Variants in ARL15 observed in about 807,000 individuals in gnomAD.
The protein encoded by ARL15 is ARF like GTPase 15.
ARL15 carries 19 observed loss-of-function variants against 25.2 expected under a neutral mutation model. The observed-to-expected ratio is 0.75, with a 90% CI of 0.53 to 1.10. ARL15 has a LOEUF of 1.10. ARL15 is among the 50% of genes least tolerant of loss of function. The pLI, the probability that ARL15 is intolerant of heterozygous loss-of-function variation, is 0.00. For missense variants in ARL15, 220 were observed against 246.0 expected, an observed-to-expected ratio of 0.89 and a Z score of 0.71; for synonymous variants, 94 against 86.8, an observed-to-expected ratio of 1.08 and a Z score of -0.46.
At position 54,144,077 on chromosome 5, in the gene ARL15, T is replaced by C. The variant is rs149207366; in HGVS notation, c.253+10503A>G. Among the ~76,000 whole-genome samples the C allele has an allele frequency of 1.6e-3, 246 of 152,132 alleles. 2 individuals carry two copies. The highest frequency in any genetic ancestry group is 8.0e-3 in the Admixed American group (122 of 15,264). On this transcript the variant is annotated intron_variant, in intron 3 of 4. Coordinates refer to ENST00000504924, the MANE Select transcript of ARL15 (RefSeq NM_019087.3). ...AAGCTATTTTATGTGTGCATGCATG[T>C]GTGTGTGTATGTGTGAAAGAGAGAG...
At chr5:53,943,166 G>A (rs549840285) in intron 4 of ARL15, among the ~76,000 whole-genome samples, 47 of 152,204 alleles carry the variant, frequency 3.1e-4, no homozygotes, top group Admixed American at 9.2e-4. Flanking sequence ...AGATTTTAAC[G>A]GGCTATGTAT....
intron 1 of ARL15, among the ~76,000 whole-genome samples, chr5:54,198,293 C>T (rs1164970181): frequency 2.0e-5 from 3 of 152,164 alleles, no homozygotes; most frequent in South Asian, 4.1e-4. Flanking sequence ...AAGTTCTGGC[C>T]GGGGCAATCA....
At chr5:54,233,228 C>T (rs887500016) in intron 1 of ARL15, among the ~76,000 whole-genome samples, 1 of 152,188 alleles carries the variant, frequency 6.6e-6, no homozygotes, top group African/African-American at 2.4e-5. Flanking sequence ...TAAGGGTTGT[C>T]TCAAGGAAAA....
At chr5:53,934,078 G>C (rs1285288640) in intron 4 of ARL15, among the ~76,000 whole-genome samples, 1 of 152,126 alleles carries the variant, frequency 6.6e-6, no homozygotes, top group Non-Finnish European at 1.5e-5. Flanking sequence ...ATTTTAAAAA[G>C]ACTTTCTGAT....
intron 1 of ARL15, among the ~76,000 whole-genome samples, chr5:54,303,731 A>C (rs1758675770): frequency 7.3e-6 from 1 of 137,592 alleles, no homozygotes; most frequent in Admixed American, 7.7e-5. Context: ...AAGAAGAAAA[A>C]GGAGAGGGGA....
chr5:54,265,122 T>C (rs1388100703), intron 1 of ARL15, among the ~76,000 whole-genome samples: 1 of 152,188 alleles, frequency 6.6e-6, no homozygotes, highest in East Asian at 1.9e-4. Flanking sequence ...ATCAACTCCC[T>C]GCTGTAATTT....
At chr5:53,953,792 C>T (rs949607600) in intron 4 of ARL15, among the ~76,000 whole-genome samples, 5 of 152,062 alleles carry the variant, frequency 3.3e-5, no homozygotes, top group Non-Finnish European at 5.9e-5. Flanking sequence ...ATCAAAAGTT[C>T]TCTGATCCAT....
rs143527291 is a variant in ARL15, at chr5:54,197,078, T to A, written c.49-25150A>T. Among the ~76,000 whole-genome samples, 420 of 152,242 alleles carry A rather than the reference T, an allele frequency of 2.8e-3. 1 individual carries two copies. The highest frequency in any genetic ancestry group is 9.6e-3 in the African/African-American group (400 of 41,576). On this transcript the variant is annotated intron_variant, in intron 1 of 4. Coordinates refer to ENST00000504924, the MANE Select transcript of ARL15 (RefSeq NM_019087.3). ...GTTCATTTCAGTTCTTCACAACACA[T>A]AGATTTGTACTTCCTTTCATATTGG... is the stretch of plus-strand genomic sequence containing the variant.
At chr5:53,953,758 G>A (rs752439617) in intron 4 of ARL15, among the ~76,000 whole-genome samples, 17 of 152,118 alleles carry the variant, frequency 1.1e-4, no homozygotes, top group Non-Finnish European at 2.5e-4. Flanking sequence ...TATTTAATGA[G>A]ACAATCATAA....
At chr5:53,899,262 C>T (rs973463443) in intron 4 of ARL15, among the ~76,000 whole-genome samples, 15 of 143,754 alleles carry the variant, frequency 1.0e-4, no homozygotes, top group East Asian at 4.6e-4. Flanking sequence ...GCAGGAGAAT[C>T]GCTTGAACCT....
At chr5:54,273,130 C>A (rs1757835977) in intron 1 of ARL15, among the ~76,000 whole-genome samples, 1 of 152,110 alleles carries the variant, frequency 6.6e-6, no homozygotes, top group African/African-American at 2.4e-5. Context: ...TACATAGTCC[C>A]ATATCTACCT....
chr5:53,985,466 T>G (rs1748262785), intron 4 of ARL15, among the ~76,000 whole-genome samples: 1 of 152,176 alleles, frequency 6.6e-6, no homozygotes, highest in Non-Finnish European at 1.5e-5. Flanking sequence ...AATTCCTCAT[T>G]TATTTCTCTC....
intron 4 of ARL15, among the ~76,000 whole-genome samples, chr5:54,022,136 G>A (rs1427948545): frequency 2.0e-5 from 3 of 152,110 alleles, no homozygotes; most frequent in African/African-American, 7.2e-5. Flanking sequence ...TAAAGAAATG[G>A]CTACAGAAAG....
chr5:54,233,544 A>G (rs1212847288), intron 1 of ARL15, among the ~76,000 whole-genome samples: 1 of 152,212 alleles, frequency 6.6e-6, no homozygotes, highest in African/African-American at 2.4e-5. Flanking sequence ...ATGAACCAAT[A>G]TTTTCCAAGA....
At chr5:54,054,659 G>A (rs1477490549) in intron 4 of ARL15, among the ~76,000 whole-genome samples, 10 of 152,066 alleles carry the variant, frequency 6.6e-5, no homozygotes, top group Admixed American at 3.9e-4. Flanking sequence ...GCGTGGCAGC[G>A]TGCGCCTGTA....
At chr5:54,141,085 G>A (rs1251567791) in intron 3 of ARL15, among the ~76,000 whole-genome samples, 3 of 152,036 alleles carry the variant, frequency 2.0e-5, no homozygotes, top group South Asian at 2.1e-4. Flanking sequence ...GTATCACTAC[G>A]GCATGAACCA....
At chr5:53,994,240 A>C (rs1748597456) in intron 4 of ARL15, among the ~76,000 whole-genome samples, 1 of 152,214 alleles carries the variant, frequency 6.6e-6, no homozygotes, top group East Asian at 1.9e-4. Flanking sequence ...AAAACCTAGA[A>C]GCCTTCTCCA....
intron 4 of ARL15, among the ~76,000 whole-genome samples, chr5:53,906,552 C>G (rs1227863262): frequency 2.0e-5 from 3 of 152,134 alleles, no homozygotes; most frequent in African/African-American, 4.8e-5. Context: ...TTGTTCCCCT[C>G]ACTTTCTCAC....
chr5:54,218,353 A>C (rs777179189), intron 1 of ARL15, among the ~76,000 whole-genome samples: 1 of 152,172 alleles, frequency 6.6e-6, no homozygotes, highest in Non-Finnish European at 1.5e-5. Flanking sequence ...GGCTATGCCT[A>C]TTGCTACAGA....
Sources: gnomAD v4.1 joint callset for allele counts (sites outside exome capture counted in the v4.1 genomes callset) on GRCh38, gnomAD v4.1.1 for gene constraint, MANE v1.5 for transcripts, NCBI Gene and HGNC (gene_info 2026-07-23, HGNC 2026-07-21) for gene names.